Variants in COL5A3 observed in about 807,000 individuals in gnomAD.
COL5A3 encodes the protein collagen type V alpha 3 chain, also known as collagen alpha-3(V) chain.
In COL5A3, 172 loss-of-function variants were observed where a neutral mutation model predicts 250.0. That is an observed-to-expected ratio of 0.69 (90% CI 0.61 to 0.78). The LOEUF is 0.78. Ranked by LOEUF, COL5A3 falls within the 30% of genes least tolerant of loss-of-function variation. The probability of loss-of-function intolerance (pLI) is 0.00; values close to 1 mark genes in which losing one functional copy is unlikely to be tolerated. For synonymous variants in COL5A3, 937 were observed against 900.4 expected (o/e 1.04, Z -0.73); for missense variants, 2,340 against 2,334.4 (o/e 1.00, Z -0.05).
rs1244292293 is a variant in COL5A3 at position 9,989,529 on chromosome 19, G to T, written c.1993-7C>A. On this transcript the variant is annotated splice_polypyrimidine_tract_variant and splice_region_variant and intron_variant, in intron 24 of 66. Coordinates refer to ENST00000264828, the MANE Select transcript of COL5A3 (RefSeq NM_015719.4). ...CTGGGTTTCCAGGGGGACCCTGAAAGAAGATGAACAGCAGGGGAGAGACAG... is the reference window on the plus strand; with the variant it reads ...CTGGGTTTCCAGGGGGACCCTGAAATAAGATGAACAGCAGGGGAGAGACAG... 3 of 1,610,320 alleles carry T rather than the reference G, an allele frequency of 1.9e-6. No homozygotes were observed. The highest frequency in any genetic ancestry group is 2.5e-6 in the Non-Finnish European group (3 of 1,178,160).
intron 6 of COL5A3, among the ~76,000 whole-genome samples, chr19:10,002,203 C>T (rs1354471962): frequency 2.7e-5 from 4 of 150,478 alleles, no homozygotes; most frequent in Non-Finnish European, 5.9e-5. Flanking sequence ...CAGCGGCCAG[C>T]AGGCCACAGT....
rs142002595 is a variant in COL5A3, at chr19:9,991,236, T to G, written c.1992+374A>C. ...CAGCCTGGGCGACAGAGTGAGACCC[T>G]GTCCACACCCCCCAAAAAAAGATAT... On this transcript the variant is annotated intron_variant, in intron 24 of 66. Coordinates refer to ENST00000264828, the MANE Select transcript of COL5A3 (RefSeq NM_015719.4). Among the ~76,000 whole-genome samples the G allele has an allele frequency of 5.1e-3, 777 of 152,142 alleles. 10 individuals are homozygous for G. The highest frequency in any genetic ancestry group is 0.018 in the African/African-American group (729 of 41,490).
chr19:9,980,770 G>C, intron 34 of COL5A3, 36 bp downstream of exon 34: 1 of 1,613,566 alleles, frequency 6.2e-7, no homozygotes, highest in Non-Finnish European at 8.5e-7. Context: ...CTGAGCCTGG[G>C]GCATGGGGGG....
intron 33 of COL5A3, 54 bp downstream of exon 33, chr19:9,981,034 C>A: frequency 6.3e-7 from 1 of 1,590,040 alleles, no homozygotes; most frequent in Non-Finnish European, 8.6e-7. Context: ...ACCTTTCCTT[C>A]CCAGCCCTGT....
Position 9,968,741 on chromosome 19 carries a change from C to G in COL5A3, c.4153-13G>C, listed in dbSNP as rs989994910. The G allele has an allele frequency of 6.2e-7, 1 of 1,606,154 alleles. No individual in the cohort carries two copies. Among genetic ancestry groups the G allele is most frequent in the African/African-American group, 1.3e-5 (1 of 74,652 alleles). On this transcript the variant is annotated splice_polypyrimidine_tract_variant and intron_variant, in intron 57 of 66. Transcript: ENST00000264828. The surrounding 1 kb of genome is among the most constrained non-coding windows in gnomAD (Gnocchi z 4.1). Reference sequence around the variant, plus strand: ...GGCCAGAGGGCCCCTGGGAGAAGAGCAAGGGTCAGTTAGGGATTCTCAAAT... The same window carrying G: ...GGCCAGAGGGCCCCTGGGAGAAGAGGAAGGGTCAGTTAGGGATTCTCAAAT...
At chr19:10,008,529 T>C (rs1234314350) in intron 1 of COL5A3, among the ~76,000 whole-genome samples, 1 of 151,672 alleles carries the variant, frequency 6.6e-6, no homozygotes, top group Non-Finnish European at 1.5e-5. Context: ...TTGGGTGGGG[T>C]CTGGGATGTG....
chr19:9,977,634 C>T lies in COL5A3; in HGVS notation c.3086G>A (p.Ser1029Asn), dbSNP rs2086942467. ...GGIGLPGQSGSEGPVGPAGKK... is the reference protein window; with the variant it reads ...GGIGLPGQSGNEGPVGPAGKK... The stretch of plus-strand genomic sequence containing the variant: ...GCCTGCAGGGCCAACGGGGCCTTCG[C>T]TGCCACTTTGGCCAGGAAGTCCAAT... The change falls in exon 42 of 67, where the codon AGC (serine) becomes AAC (asparagine). Residue 1029 changes from serine to asparagine, a missense_variant. Around this residue, in one of 3 missense-constraint regions of COL5A3, gnomAD observed 1,179 missense variants for 1,162.6 expected, o/e 1.01. Coordinates refer to ENST00000264828, the MANE Select transcript of COL5A3 (RefSeq NM_015719.4). 6.2e-7 allele frequency: 1 copy of T among 1,607,526 alleles called. No homozygotes were observed. Among genetic ancestry groups the T allele is most frequent in the African/African-American group, 1.3e-5 (1 of 74,826 alleles).
chr19:9,965,850 C>T (rs746052), intron 64 of COL5A3, among the ~76,000 whole-genome samples: 56,714 of 151,670 alleles, frequency 0.37, 11,234 homozygotes, highest in East Asian at 0.55. Context: ...TTTCTTTTTT[C>T]TGAGAAGGAG....
Position 9,997,967 on chromosome 19 carries a change from A to G in COL5A3, c.1200+17T>C. The stretch of plus-strand genomic sequence containing the variant: ...GGAAGGGAAAGACTGGAAGAAGGAA[A>G]CACAGCCATGACTTACTTGGGGTCC... On this transcript the variant is annotated intron_variant, in intron 10 of 66. Coordinates refer to ENST00000264828, the MANE Select transcript of COL5A3 (RefSeq NM_015719.4). The G allele has an allele frequency of 6.2e-7, 1 of 1,613,936 alleles. No homozygotes were observed. The highest frequency in any genetic ancestry group is 8.5e-7 in the Non-Finnish European group (1 of 1,179,916).
intron 62 of COL5A3, 82 bp downstream of exon 62, chr19:9,967,265 G>T: frequency 9.6e-7 from 1 of 1,045,946 alleles, no homozygotes; most frequent in Non-Finnish European, 1.3e-6. Context: ...CGCACGGAAG[G>T]ACCCTCTGGG....
chr19:9,968,403 A>AG lies in COL5A3; in HGVS notation c.4295dup (p.Gly1433TrpfsTer124), dbSNP rs745735640. ...CACTCACAGGGTCTCCCTTGGGACC[A>AG]GGGGGTCCCTGCACGCCTGGCAACC... On this transcript the variant is annotated frameshift_variant, in exon 59 of 67. Coordinates refer to ENST00000264828, the MANE Select transcript of COL5A3 (RefSeq NM_015719.4). LOFTEE classifies it high-confidence loss of function. The surrounding 1 kb of genome is among the most constrained non-coding windows in gnomAD (Gnocchi z 4.1). 1.3e-6 allele frequency: 2 copies of AG among 1,592,194 alleles called. No individual in the cohort carries two copies. The highest frequency in any genetic ancestry group is 8.5e-7 in the Non-Finnish European group (1 of 1,174,370).
At chr19:9,976,843 G>A (rs914100524) in intron 44 of COL5A3, among the ~76,000 whole-genome samples, 2 of 152,072 alleles carry the variant, frequency 1.3e-5, no homozygotes, top group Non-Finnish European at 2.9e-5. Context: ...ACCCAGGGAC[G>A]AAGCTGGCTC....
At chr19:9,965,090 T>C (rs73003433) in intron 64 of COL5A3, among the ~76,000 whole-genome samples, 2,236 of 151,580 alleles carry the variant, frequency 0.015, 34 homozygotes, top group East Asian at 0.076. Context: ...TATTTGTTTT[T>C]GCATCAGTAT....
Position 10,009,968 on chromosome 19 carries a change from A to G in COL5A3, c.88+330T>C, listed in dbSNP as rs889817814. On this transcript the variant is annotated intron_variant, in intron 1 of 66. Coordinates refer to ENST00000264828, the MANE Select transcript of COL5A3 (RefSeq NM_015719.4). The surrounding 1 kb of genome is among the most constrained non-coding windows in gnomAD (Gnocchi z 4.4). ...CCCTGTCACTCACAGTCACACTATC[A>G]CCATCAACCTCCACACGCAAGCACA... Among the ~76,000 whole-genome samples the G allele has an allele frequency of 1.3e-5, 2 of 152,012 alleles. No homozygotes were observed. The highest frequency in any genetic ancestry group is 2.9e-5 in the Non-Finnish European group (2 of 67,982).
chr19:9,971,347 T>C (rs549690922), intron 51 of COL5A3, 89 bp from the exon 52 acceptor site: 60 of 1,070,540 alleles, frequency 5.6e-5, no homozygotes, highest in Admixed American at 2.7e-4. Context: ...CAGGAACAGT[T>C]TGGTTTCTGG....
Position 10,004,084 on chromosome 19 carries a change from C to T in COL5A3, c.656G>A (p.Arg219Gln), listed in dbSNP as rs758551765. The change falls in exon 5 of 67, where the codon CGG becomes CAG. Residue 219 changes from arginine (R) to glutamine (Q), a missense_variant. Physicochemically the swap from Arg to Gln is conservative, Grantham distance 43. Transcript: ENST00000264828. ...CAGGTTGTCACAGTCGGGGAGGTAC[C>T]GCTCACAAGCCTGGAAGGCAGCCTG... is the stretch of plus-strand genomic sequence containing the variant. ...DPQAAFQACERYLPDCDNLAP... is the reference protein window; with the variant it reads ...DPQAAFQACEQYLPDCDNLAP... 42 of 1,613,928 alleles carry T rather than the reference C, an allele frequency of 2.6e-5. No individual in the cohort carries two copies. The highest frequency in any genetic ancestry group is 4.4e-5 in the South Asian group (4 of 91,084).
At position 9,997,602 on chromosome 19, in the gene COL5A3, G is replaced by A. The variant is rs115299173; in HGVS notation, c.1201-169C>T. On this transcript the variant is annotated intron_variant, in intron 10 of 66. Transcript: ENST00000264828. ...CCCACTCACCCCCAACGCTACTCTC[G>A]GACCCCTCTTCTTTTTTTAGAGACG... Among the ~76,000 whole-genome samples, 261 of 151,522 alleles carry A rather than the reference G, an allele frequency of 1.7e-3. 1 individual carries two copies. Among genetic ancestry groups the A allele is most frequent in the African/African-American group, 6.0e-3 (247 of 41,236 alleles).
rs1280788308 is a variant in COL5A3, at chr19:10,006,273, A to T, written c.89-42T>A. The T allele has an allele frequency of 1.0e-5, 16 of 1,546,436 alleles. No homozygotes were observed. In the East Asian group the frequency reaches 3.7e-4, roughly 36 times the overall value. On this transcript the variant is annotated intron_variant, in intron 1 of 66. Transcript: ENST00000264828. ...CCGGGGGTGTCAGGCAGAGGTGGGG[A>T]ACAGCTAGAATAAGCCCAGGACTCC...
At chr19:9,980,729 A>G in intron 34 of COL5A3, 37 bp from the exon 35 acceptor site, 1 of 1,614,008 alleles carries the variant, frequency 6.2e-7, no homozygotes, top group Non-Finnish European at 8.5e-7. Flanking sequence ...CCCCAGAACA[A>G]ACTCAACTGG....
Sources: allele counts gnomAD v4.1 joint callset (sites outside exome capture counted in the v4.1 genomes callset), GRCh38; gene constraint gnomAD v4.1.1; regional missense constraint gnomAD v4.1.1; non-coding constraint Gnocchi (gnomAD v3.1); transcripts MANE v1.5; gene names NCBI Gene and HGNC (gene_info 2026-07-23, HGNC 2026-07-21).